EFR3A: variants seen among roughly 807,000 people sequenced by gnomAD.
EFR3A encodes EFR3 homolog A, also known as protein EFR3 homolog A.
In EFR3A, 76 loss-of-function variants were observed where a neutral mutation model predicts 104.4. The observed-to-expected ratio is 0.73, with a 90% confidence interval of 0.60 to 0.88. The LOEUF (loss-of-function observed/expected upper bound fraction) is 0.88, where lower values mean the gene tolerates loss of function less well. Ranked by LOEUF, EFR3A falls within the 40% of genes least tolerant of loss-of-function variation. The pLI is 0.00. For synonymous variants in EFR3A, 330 were observed against 330.0 expected, an observed-to-expected ratio of 1.00 and a Z score of 0.00; for missense variants, 985 against 1,012.5, an observed-to-expected ratio of 0.97 and a Z score of 0.37.
At chr8:131,966,018 A>G (rs574276939) in intron 8 of EFR3A, among the ~76,000 whole-genome samples, 1 of 152,286 alleles carries the variant, frequency 6.6e-6, no homozygotes, top group East Asian at 1.9e-4. Flanking sequence ...CAGTGAGAAC[A>G]CATGGACACA....
chr8:131,996,314 C>A, intron 18 of EFR3A, 92 bp from the exon 19 acceptor site: 1 of 754,586 alleles, frequency 1.3e-6, no homozygotes, highest in Non-Finnish European at 2.0e-6. Context: ...AATTTTTTGA[C>A]AGTTTTTGAA....
chr8:131,997,773 G>A (rs1821569517), intron 19 of EFR3A, among the ~76,000 whole-genome samples: 1 of 151,956 alleles, frequency 6.6e-6, no homozygotes, highest in African/African-American at 2.4e-5. Flanking sequence ...ATTTTGTTAA[G>A]GGGACACTAT....
rs1818349891 is a variant in EFR3A, at chr8:131,944,839, G to T, written c.182G>T (p.Arg61Met). 8 of 1,610,954 alleles carry T rather than the reference G, an allele frequency of 5.0e-6. No homozygotes were observed. In the East Asian group the frequency reaches 1.8e-4, roughly 36 times the overall value. Reference sequence around the variant, plus strand: ...CGAATTGGTTCTTACCTGGCAGAAAGGTTGAGCAGGGATGTTGTCAGACAT... The same window carrying T: ...CGAATTGGTTCTTACCTGGCAGAAATGTTGAGCAGGGATGTTGTCAGACAT... Reference protein sequence around the residue: ...LDRIGSYLAERLSRDVVRHRS... With the variant: ...LDRIGSYLAEMLSRDVVRHRS... The change falls in exon 3 of 23, where the codon AGG becomes ATG. Residue 61 changes from arginine (R) to methionine (M), a missense_variant. Physicochemically the swap from Arg to Met is moderately conservative, Grantham distance 91. Coordinates refer to ENST00000254624, the MANE Select transcript of EFR3A (RefSeq NM_015137.6).
At chr8:131,964,667 T>C (rs1002831530) in intron 8 of EFR3A, among the ~76,000 whole-genome samples, 3 of 152,164 alleles carry the variant, frequency 2.0e-5, no homozygotes, top group African/African-American at 4.8e-5. Context: ...ATAGATTCAA[T>C]GCCATCCCCA....
At chr8:131,944,147 C>T (rs185910768) in intron 2 of EFR3A, among the ~76,000 whole-genome samples, 47 of 152,150 alleles carry the variant, frequency 3.1e-4, no homozygotes, top group Middle Eastern at 6.8e-3. Flanking sequence ...TACGTGGTAA[C>T]TGGGGAGAAT....
At chr8:131,979,798 A>G (rs751845004) in intron 14 of EFR3A, among the ~76,000 whole-genome samples, 1 of 152,078 alleles carries the variant, frequency 6.6e-6, no homozygotes, top group South Asian at 2.1e-4. Context: ...TAAATTAACT[A>G]TGGTGAGTTT....
intron 1 of EFR3A, 86 bp downstream of exon 1, chr8:131,904,408 G>T: frequency 8.4e-7 from 1 of 1,191,470 alleles, no homozygotes; most frequent in South Asian, 4.0e-5. Flanking sequence ...CGGGCGGCTG[G>T]GGAGGCTGGG....
chr8:131,954,066 C>T (rs1818850211), intron 6 of EFR3A, 99 bp downstream of exon 6: 4 of 1,191,522 alleles, frequency 3.4e-6, no homozygotes, highest in Non-Finnish European at 4.4e-6. Context: ...ACTCTGTAAA[C>T]AGTAGTCTCG....
chr8:131,913,151 A>G (rs970627841), intron 1 of EFR3A, among the ~76,000 whole-genome samples: 2 of 140,230 alleles, frequency 1.4e-5, no homozygotes, highest in Non-Finnish European at 3.1e-5. Flanking sequence ...TTTTTTTTGA[A>G]TGATCTTGTG....
intron 21 of EFR3A, 127 bp from the exon 22 acceptor site, chr8:132,003,109 A>T (rs1397712704): frequency 1.4e-6 from 1 of 740,008 alleles, no homozygotes; most frequent in Middle Eastern, 3.8e-4. Flanking sequence ...ACTTTAAAGC[A>T]TTGTGTACTT....
chr8:131,985,543 A>G (rs939540031), intron 16 of EFR3A, among the ~76,000 whole-genome samples: 3 of 152,216 alleles, frequency 2.0e-5, no homozygotes, highest in South Asian at 2.1e-4. Flanking sequence ...AAACATTTCA[A>G]TGCCCCCAAG....
chr8:131,912,602 A>G (rs888707207), intron 1 of EFR3A, among the ~76,000 whole-genome samples: 4 of 152,188 alleles, frequency 2.6e-5, no homozygotes, highest in African/African-American at 9.6e-5. Flanking sequence ...TTGGGGATCT[A>G]TCCTTTTTCT....
At chr8:131,964,774 A>G (rs932900829) in intron 8 of EFR3A, among the ~76,000 whole-genome samples, 5 of 152,220 alleles carry the variant, frequency 3.3e-5, no homozygotes, top group African/African-American at 1.2e-4. Flanking sequence ...TGCTAAGCCA[A>G]AGAACAAAGC....
intron 1 of EFR3A, among the ~76,000 whole-genome samples, chr8:131,930,682 G>T (rs1817551667): frequency 6.6e-6 from 1 of 151,966 alleles, no homozygotes; most frequent in South Asian, 2.1e-4. Context: ...AGGTCTGGTG[G>T]CAGCATTTGA....
intron 1 of EFR3A, among the ~76,000 whole-genome samples, chr8:131,926,229 C>CA (rs569830678): frequency 7.9e-5 from 12 of 152,056 alleles, no homozygotes; most frequent in Non-Finnish European, 1.5e-5. Flanking sequence ...ATATTAGTCA[C>CA]AGAGTTTCAG....
At chr8:131,940,914 C>A (rs1046018147) in intron 2 of EFR3A, among the ~76,000 whole-genome samples, 2 of 151,880 alleles carry the variant, frequency 1.3e-5, no homozygotes, top group Non-Finnish European at 2.9e-5. Context: ...CTCATGATAC[C>A]ACTGTGAACA....
Position 132,010,797 on chromosome 8 carries a change from C to T in EFR3A, c.2368C>T (p.Pro790Ser). The T allele has an allele frequency of 6.2e-7, 1 of 1,612,142 alleles. No individual in the cohort carries two copies. The highest frequency in any genetic ancestry group is 8.5e-7 in the Non-Finnish European group (1 of 1,178,678). Residue 790 changes from proline to serine, a missense_variant, in exon 23 of 23, where the codon CCC becomes TCC. Coordinates refer to ENST00000254624, the MANE Select transcript of EFR3A (RefSeq NM_015137.6). ...QILELTIRPP[P>S]SPSGTLTITS... ...ATTTTTGTTCTTTTATAGTCCTCCT[C>T]CCAGTCCATCAGGAACACTGACCAT...
At chr8:131,907,415 T>C (rs1030380987) in intron 1 of EFR3A, among the ~76,000 whole-genome samples, 1 of 152,232 alleles carries the variant, frequency 6.6e-6, no homozygotes, top group Admixed American at 6.5e-5. Flanking sequence ...TTCTATATTT[T>C]CTAGGGAAAA....
chr8:131,913,216 G>A (rs1563808484), intron 1 of EFR3A, among the ~76,000 whole-genome samples: 1 of 150,222 alleles, frequency 6.7e-6, no homozygotes, highest in East Asian at 1.9e-4. Context: ...AATGTTGGCA[G>A]TTCCTCCTAT....
Sources: gnomAD v4.1 joint callset for allele counts (sites outside exome capture counted in the v4.1 genomes callset) on GRCh38, gnomAD v4.1.1 for gene constraint, MANE v1.5 for transcripts, NCBI Gene and HGNC (gene_info 2026-07-23, HGNC 2026-07-21) for gene names.